The following EPB41L2 variants were observed in gnomAD, a reference collection of about 807,000 sequenced individuals.
The protein encoded by EPB41L2 is erythrocyte membrane protein band 4.1 like 2.
EPB41L2 carries 43 observed loss-of-function variants against 113.0 expected under a neutral mutation model. The observed-to-expected ratio is 0.38, with a 90% confidence interval of 0.30 to 0.49. The LOEUF is 0.49. Ranked by LOEUF, EPB41L2 falls within the 20% of genes least tolerant of loss-of-function variation. The probability of loss-of-function intolerance (pLI) is 0.95; values close to 1 mark genes in which losing one functional copy is unlikely to be tolerated. For missense variants in EPB41L2, 1,147 were observed against 1,223.4 expected (o/e 0.94, Z 0.93); for synonymous variants, 442 against 436.7 (o/e 1.01, Z -0.15).
chr6:130,937,821 G>GAAAAAAA (rs66505919), intron 3 of EPB41L2, among the ~76,000 whole-genome samples: 3 of 129,854 alleles, frequency 2.3e-5, no homozygotes, highest in African/African-American at 1.0e-4. Flanking sequence ...ATCTCAAAAA[G>GAAAAAAA]AAAAAAAAAA....
At chr6:130,983,541 C>CAG (rs1226003127) in intron 1 of EPB41L2, among the ~76,000 whole-genome samples, 2 of 141,024 alleles carry the variant, frequency 1.4e-5, no homozygotes, top group Admixed American at 7.2e-5. Context: ...TTTTTTGAGA[C>CAG]AGAGTCTTGA....
chr6:131,020,325 A>G (rs750537201), intron 1 of EPB41L2, among the ~76,000 whole-genome samples: 7 of 152,194 alleles, frequency 4.6e-5, no homozygotes, highest in Non-Finnish European at 7.3e-5. Flanking sequence ...TGTCTTAAAT[A>G]TAAGGCTGAG....
At chr6:130,860,491 T>C (rs531561176) in intron 18 of EPB41L2, among the ~76,000 whole-genome samples, 5 of 152,264 alleles carry the variant, frequency 3.3e-5, no homozygotes, top group Non-Finnish European at 5.9e-5. Flanking sequence ...TAATAAGGAT[T>C]ATGAGAAAAC....
intron 1 of EPB41L2, among the ~76,000 whole-genome samples, chr6:131,010,720 A>C (rs930956190): frequency 2.6e-5 from 4 of 152,080 alleles, no homozygotes; most frequent in Non-Finnish European, 5.9e-5. Context: ...GCCAGAATTA[A>C]ATCATCAATT....
At chr6:130,853,581 G>T (rs1381263267) in intron 19 of EPB41L2, among the ~76,000 whole-genome samples, 1 of 152,158 alleles carries the variant, frequency 6.6e-6, no homozygotes, top group South Asian at 2.1e-4. Context: ...TTTTAACGGG[G>T]TTTGCATTTA....
intron 19 of EPB41L2, among the ~76,000 whole-genome samples, chr6:130,847,523 G>A (rs981131344): frequency 2.6e-5 from 4 of 152,000 alleles, no homozygotes; most frequent in Admixed American, 2.0e-4. Context: ...TTGAGGAAAC[G>A]GCAGGGAAAA....
At chr6:130,959,666 C>A (rs1818687668) in intron 1 of EPB41L2, among the ~76,000 whole-genome samples, 1 of 152,206 alleles carries the variant, frequency 6.6e-6, no homozygotes, top group Non-Finnish European at 1.5e-5. Flanking sequence ...GCACAGAAAA[C>A]CTTTTTTCCT....
chr6:130,980,784 AG>A (rs1171323148), intron 1 of EPB41L2, among the ~76,000 whole-genome samples: 2 of 152,282 alleles, frequency 1.3e-5, no homozygotes, highest in East Asian at 3.9e-4. Flanking sequence ...AGGCATGATA[AG>A]GAAGTCCCCT....
At chr6:131,062,493 C>G (rs1429833232) in intron 1 of EPB41L2, 1 of 151,844 alleles carries the variant, frequency 6.6e-6, no homozygotes, top group African/African-American at 2.4e-5. Flanking sequence ...AAACACGCGT[C>G]CCTCTCCGCA....
chr6:130,988,162 A>G (rs979892692), intron 1 of EPB41L2, among the ~76,000 whole-genome samples: 1 of 152,218 alleles, frequency 6.6e-6, no homozygotes, highest in Admixed American at 6.5e-5. Flanking sequence ...ACCAGTCAAA[A>G]TAACAAATAA....
intron 6 of EPB41L2, among the ~76,000 whole-genome samples, chr6:130,901,616 C>T (rs1235290728): frequency 1.3e-5 from 2 of 151,982 alleles, no homozygotes; most frequent in African/African-American, 4.8e-5. Context: ...TCTTCTTTTC[C>T]AGAAACACCT....
intron 4 of EPB41L2, among the ~76,000 whole-genome samples, chr6:130,916,525 T>C (rs1364847255): frequency 6.6e-6 from 1 of 152,158 alleles, no homozygotes; most frequent in Non-Finnish European, 1.5e-5. Context: ...CAAATGTCCA[T>C]ATTTGGGGAA....
intron 3 of EPB41L2, among the ~76,000 whole-genome samples, chr6:130,949,339 T>C (rs1814007346): frequency 6.6e-6 from 1 of 152,154 alleles, no homozygotes; most frequent in East Asian, 1.9e-4. Context: ...CAGTGGCTCA[T>C]GCCTGTAATC....
chr6:130,928,192 GA>G (rs1805424901), intron 3 of EPB41L2, among the ~76,000 whole-genome samples: 1 of 152,130 alleles, frequency 6.6e-6, no homozygotes, highest in Non-Finnish European at 1.5e-5. Flanking sequence ...TTAAATTACT[GA>G]GCATGTTTAA....
chr6:130,847,360 T>C (rs1777357204), intron 19 of EPB41L2, among the ~76,000 whole-genome samples: 1 of 152,182 alleles, frequency 6.6e-6, no homozygotes, highest in African/African-American at 2.4e-5. Flanking sequence ...TTTTGTGCCC[T>C]GAACATTATT....
Position 130,955,287 on chromosome 6 carries a change from C to T in EPB41L2, c.523G>A (p.Glu175Lys). The change falls in exon 3 of 20, where the codon GAG (glutamate) becomes AAG (lysine). Residue 175 changes from glutamate to lysine, a missense_variant. Coordinates refer to ENST00000337057, the MANE Select transcript of EPB41L2 (RefSeq NM_001431.4). Reference sequence around the variant, plus strand: ...TCTTCCTGTGTTTCTTTTACCTTCTCTTCTCTCTCCTTACTTACTAATTCA... The same window carrying T: ...TCTTCCTGTGTTTCTTTTACCTTCTTTTCTCTCTCCTTACTTACTAATTCA... ...PTELVSKEREEKVKETQEDKL... is the reference protein window; with the variant it reads ...PTELVSKEREKKVKETQEDKL... 1.2e-6 allele frequency: 2 copies of T among 1,613,352 alleles called. No homozygotes were observed. Among genetic ancestry groups the T allele is most frequent in the Non-Finnish European group, 1.7e-6 (2 of 1,179,970 alleles).
At chr6:130,866,008 T>C (rs950994445) in intron 16 of EPB41L2, among the ~76,000 whole-genome samples, 2 of 152,200 alleles carry the variant, frequency 1.3e-5, no homozygotes, top group African/African-American at 4.8e-5. Context: ...TTTGTTGTTT[T>C]TTAAGCACAG....
Position 130,853,810 on chromosome 6 carries a change from G to A in EPB41L2, c.*5+4321C>T, listed in dbSNP as rs564767903. On this transcript the variant is annotated intron_variant, in intron 19 of 19. Coordinates refer to ENST00000337057, the MANE Select transcript of EPB41L2 (RefSeq NM_001431.4). ...AGGGAGACGGAGCAGATACATTGCA[G>A]ACAGTTCCCCTTCTTTTTTGACATT... Among the ~76,000 whole-genome samples the A allele has an allele frequency of 7.9e-5, 12 of 152,328 alleles. No homozygotes were observed. The East Asian group carries it at 2.3e-3, about 29-fold the overall frequency.
At position 130,915,022 on chromosome 6, in the gene EPB41L2, G is replaced by A. The variant is rs147486405; in HGVS notation, c.811-6159C>T. 1.4e-4 allele frequency among the ~76,000 whole-genome samples: 21 copies of A among 152,282 alleles called. No homozygotes were observed. The East Asian group carries it at 2.9e-3, about 21-fold the overall frequency. On this transcript the variant is annotated intron_variant, in intron 4 of 19. Coordinates refer to ENST00000337057, the MANE Select transcript of EPB41L2 (RefSeq NM_001431.4). Reference sequence around the variant, plus strand: ...GAATATCAAGTATTGTTAAATCACCGGCCGGGCGCGGTGGCTCACGCCTGT... The same window carrying A: ...GAATATCAAGTATTGTTAAATCACCAGCCGGGCGCGGTGGCTCACGCCTGT...
Sources: allele counts gnomAD v4.1 joint callset (sites outside exome capture counted in the v4.1 genomes callset), GRCh38; gene constraint gnomAD v4.1.1; transcripts MANE v1.5; gene names NCBI Gene and HGNC (gene_info 2026-07-23, HGNC 2026-07-21).